Variants in TBL1X observed in about 807,000 individuals in gnomAD.
TBL1X encodes transducin beta like 1 X-linked.
Under a neutral mutation model 50.7 loss-of-function variants are expected in TBL1X, and 10 were observed. The ratio of observed to expected loss-of-function variants is 0.20; its 90% CI spans 0.12 to 0.33. The LOEUF (loss-of-function observed/expected upper bound fraction) is 0.33, where lower values mean the gene tolerates loss of function less well. TBL1X is among the 10% of genes least tolerant of loss of function. TBL1X has a pLI of 1.00. For missense variants in TBL1X, 340 were observed against 504.4 expected (o/e 0.67, Z 3.12); for synonymous variants, 190 against 214.7 (o/e 0.88, Z 1.01).
At chrX:9,537,075 T>C (rs2082191933) in intron 2 of TBL1X, among the ~76,000 whole-genome samples, 1 of 111,985 alleles carries the variant, frequency 8.9e-6, no homozygotes, top group African/African-American at 3.2e-5. Context: ...TGTAATCATT[T>C]GGTACTTGTT....
chrX:9,568,347 GTGTC>G (rs1010967564), intron 2 of TBL1X, among the ~76,000 whole-genome samples: 4 of 108,935 alleles, frequency 3.7e-5, no homozygotes, highest in African/African-American at 1.0e-4. Flanking sequence ...TATGTTGTGT[GTGTC>G]TGTGCACGTG....
rs138073766 is a variant in TBL1X, at chrX:9,635,907, A to G, written c.-130-4366A>G. On this transcript the variant is annotated intron_variant, in intron 2 of 17. Coordinates refer to ENST00000645353, the MANE Select transcript of TBL1X (RefSeq NM_005647.4). ...CATAGCAGCATGGTTGACCCAAGCC[A>G]GGTTCCTGTCAGCTGCTGCCTGGAA... Among the ~76,000 whole-genome samples the G allele has an allele frequency of 4.3e-3, 481 of 112,455 alleles. 3 individuals are homozygous for G. The highest frequency in any genetic ancestry group is 0.015 in the African/African-American group (455 of 30,977).
intron 2 of TBL1X, among the ~76,000 whole-genome samples, chrX:9,527,519 T>A (rs1014165492): frequency 2.7e-5 from 3 of 112,168 alleles, no homozygotes; most frequent in Non-Finnish European, 5.6e-5. Context: ...ATTGGTGTCC[T>A]TGGGGTGGGG....
chrX:9,491,341 T>TA (rs2081943642), intron 1 of TBL1X, among the ~76,000 whole-genome samples: 1 of 76,981 alleles, frequency 1.3e-5, no homozygotes, highest in South Asian at 7.0e-4. Context: ...TATATATATT[T>TA]TTTTTTTTTT....
chrX:9,652,165 C>A, intron 3 of TBL1X, among the ~76,000 whole-genome samples: 1 of 112,078 alleles, frequency 8.9e-6, no homozygotes, highest in Non-Finnish European at 1.9e-5. Flanking sequence ...CTGCAGGCTG[C>A]CTGCCATTGC....
intron 2 of TBL1X, among the ~76,000 whole-genome samples, chrX:9,540,613 C>T (rs1435580075): frequency 8.9e-5 from 10 of 112,623 alleles, no homozygotes; most frequent in African/African-American, 3.2e-4. Flanking sequence ...GTTGGTCTTT[C>T]CTTCAAATAT....
At chrX:9,643,964 A>G (rs753298788) in intron 3 of TBL1X, among the ~76,000 whole-genome samples, 1 of 112,222 alleles carries the variant, frequency 8.9e-6, no homozygotes, top group Non-Finnish European at 1.9e-5. Context: ...GGTACGCTTC[A>G]GAGTTTATTT....
At chrX:9,492,903 G>A (rs1325224266) in intron 1 of TBL1X, among the ~76,000 whole-genome samples, 2 of 98,885 alleles carry the variant, frequency 2.0e-5, no homozygotes, top group Admixed American at 1.1e-4. Context: ...GTGTGTAGGG[G>A]AGGAAGGAAT....
chrX:9,694,093 A>G (rs193292517), intron 11 of TBL1X, among the ~76,000 whole-genome samples: 1 of 111,212 alleles, frequency 9.0e-6, no homozygotes, highest in Non-Finnish European at 1.9e-5. Flanking sequence ...GCCTCTGTGC[A>G]TTTCACTTTC....
intron 3 of TBL1X, among the ~76,000 whole-genome samples, chrX:9,645,719 A>G (rs187309324): frequency 2.1e-4 from 24 of 111,916 alleles, no homozygotes; most frequent in East Asian, 2.0e-3. Flanking sequence ...TGTATATCTG[A>G]TTGTGGGTAA....
intron 2 of TBL1X, among the ~76,000 whole-genome samples, chrX:9,591,636 G>A (rs1249137756): frequency 8.9e-6 from 1 of 111,871 alleles, no homozygotes; most frequent in African/African-American, 3.3e-5. Context: ...GAAGAGCAAA[G>A]CCTACCCCTT....
At position 9,599,187 on chromosome X, in the gene TBL1X, G is replaced by A. The variant is rs746265244; in HGVS notation, c.-130-41086G>A. Among the ~76,000 whole-genome samples, 12 of 110,297 alleles carry A rather than the reference G, an allele frequency of 1.1e-4. No individual in the cohort carries two copies. The East Asian group carries it at 1.4e-3, about 13-fold the overall frequency. ...TCGAACTCCTGACCTCAGGTGATCC[G>A]CCCACCTCAGACTCCCAAAGTGTTA... On this transcript the variant is annotated intron_variant, in intron 2 of 17. Coordinates refer to ENST00000645353, the MANE Select transcript of TBL1X (RefSeq NM_005647.4).
chrX:9,597,413 C>G (rs1351007459), intron 2 of TBL1X, among the ~76,000 whole-genome samples: 4 of 111,892 alleles, frequency 3.6e-5, no homozygotes, highest in African/African-American at 1.3e-4. Flanking sequence ...GCCTCTGCCA[C>G]TGAAGTTCCT....
At chrX:9,643,051 G>A (rs1264380012) in intron 3 of TBL1X, among the ~76,000 whole-genome samples, 1 of 112,258 alleles carries the variant, frequency 8.9e-6, no homozygotes, top group Non-Finnish European at 1.9e-5. Flanking sequence ...CAGATATTTG[G>A]GGGTCAGGAC....
chrX:9,532,921 A>G (rs1021993854), intron 2 of TBL1X, among the ~76,000 whole-genome samples: 29 of 111,405 alleles, frequency 2.6e-4, no homozygotes, highest in African/African-American at 9.1e-4. Flanking sequence ...TAATATGCCT[A>G]ATGTCCAGAA....
intron 2 of TBL1X, among the ~76,000 whole-genome samples, chrX:9,534,602 TTC>T (rs2082178772): frequency 1.8e-5 from 2 of 111,422 alleles, no homozygotes; most frequent in South Asian, 7.5e-4. Context: ...TATTTTCCTT[TTC>T]TCGTTTTTCA....
intron 2 of TBL1X, among the ~76,000 whole-genome samples, chrX:9,554,988 T>C (rs1341233972): frequency 2.7e-5 from 3 of 112,470 alleles, no homozygotes; most frequent in Admixed American, 9.4e-5. Context: ...TCCAATCATA[T>C]AACCTGTGGT....
At chrX:9,497,408 CAAAA>C (rs35402306) in intron 1 of TBL1X, among the ~76,000 whole-genome samples, 1 of 30,404 alleles carries the variant, frequency 3.3e-5, no homozygotes. Flanking sequence ...GACTCCATCT[CAAAA>C]AAAAAAAAAA....
chrX:9,657,286 G>C, intron 5 of TBL1X, among the ~76,000 whole-genome samples: 1 of 112,378 alleles, frequency 8.9e-6, no homozygotes, highest in Non-Finnish European at 1.9e-5. Context: ...CCACCTTCCA[G>C]GTACAGTGAC....
Sources: allele counts gnomAD v4.1 joint callset (sites outside exome capture counted in the v4.1 genomes callset), GRCh38; gene constraint gnomAD v4.1.1; transcripts MANE v1.5; gene names NCBI Gene and HGNC (gene_info 2026-07-23, HGNC 2026-07-21).